Variants in NEGR1 observed in about 807,000 individuals in gnomAD.
NEGR1 encodes the protein IgLON family member 4.
NEGR1 carries 10 observed loss-of-function variants against 40.9 expected under a neutral mutation model. That is an observed-to-expected ratio of 0.24 (90% confidence interval 0.15 to 0.42). The LOEUF is 0.42. Among genes scored for constraint, NEGR1 ranks in the 10% least tolerant of loss-of-function variants. The pLI is 1.00. For synonymous variants in NEGR1, 185 were observed against 166.8 expected, an observed-to-expected ratio of 1.11 and a Z score of -0.84; for missense variants, 352 against 438.9, an observed-to-expected ratio of 0.80 and a Z score of 1.77.
chr1:72,221,756 C>T (rs967542177), intron 1 of NEGR1, among the ~76,000 whole-genome samples: 4 of 151,994 alleles, frequency 2.6e-5, no homozygotes, highest in Non-Finnish European at 4.4e-5. Flanking sequence ...AGTCCTTTTC[C>T]ATCACGTCTA....
chr1:71,448,446 A>C (rs1006858381), intron 6 of NEGR1, among the ~76,000 whole-genome samples: 1 of 152,138 alleles, frequency 6.6e-6, no homozygotes, highest in African/African-American at 2.4e-5. Context: ...TAAAAATACA[A>C]AAATTAGCCG....
rs146637635 is a variant in NEGR1 at position 71,643,312 on chromosome 1, C to T, written c.668-32166G>A. Reference sequence around the variant, plus strand: ...GGGCAGGAGAGACCTTATGTATCAGCCAACATCTTCTCAGTGATGGCGATG... The same window carrying T: ...GGGCAGGAGAGACCTTATGTATCAGTCAACATCTTCTCAGTGATGGCGATG... On this transcript the variant is annotated intron_variant, in intron 4 of 6. Transcript: ENST00000357731. Among the ~76,000 whole-genome samples the T allele has an allele frequency of 5.6e-3, 851 of 152,058 alleles. 9 individuals carry two copies. Among genetic ancestry groups the T allele is most frequent in the African/African-American group, 0.02 (822 of 41,494 alleles).
At chr1:71,756,694 T>C (rs1570304664) in intron 3 of NEGR1, among the ~76,000 whole-genome samples, 1 of 152,220 alleles carries the variant, frequency 6.6e-6, no homozygotes, top group East Asian at 1.9e-4. Flanking sequence ...AGCTTCTCAT[T>C]TGAGGGGTCT....
intron 6 of NEGR1, among the ~76,000 whole-genome samples, chr1:71,498,076 T>A (rs1646976846): frequency 6.6e-6 from 1 of 151,386 alleles, no homozygotes; most frequent in Admixed American, 6.6e-5. Flanking sequence ...TTTTTTTAAG[T>A]CTGAGCCTGT....
chr1:72,210,250 G>A (rs1005755972), intron 1 of NEGR1, among the ~76,000 whole-genome samples: 1 of 151,778 alleles, frequency 6.6e-6, no homozygotes. Context: ...TGGATAAAAC[G>A]TCAGGAATTT....
At chr1:71,831,437 A>G (rs537741683) in intron 2 of NEGR1, among the ~76,000 whole-genome samples, 1 of 152,106 alleles carries the variant, frequency 6.6e-6, no homozygotes, top group African/African-American at 2.4e-5. Flanking sequence ...ATGTATTGTT[A>G]AACTTCTATT....
intron 6 of NEGR1, among the ~76,000 whole-genome samples, chr1:71,568,183 T>C (rs1648683900): frequency 6.6e-6 from 1 of 152,222 alleles, no homozygotes; most frequent in Admixed American, 6.5e-5. Flanking sequence ...TTAGCTGTTT[T>C]AGTAAGGTCA....
chr1:71,678,883 G>A (rs892896956), intron 4 of NEGR1, among the ~76,000 whole-genome samples: 14 of 152,228 alleles, frequency 9.2e-5, no homozygotes, highest in Non-Finnish European at 2.1e-4. Flanking sequence ...GAGTTTCAAA[G>A]GCAGCCGAGC....
Position 71,464,528 on chromosome 1 carries a change from A to G in NEGR1, c.941-56958T>C, listed in dbSNP as rs1646733467. On this transcript the variant is annotated intron_variant, in intron 6 of 6. Transcript: ENST00000357731. The stretch of plus-strand genomic sequence containing the variant: ...TTAATTTTGCCAAAAAAGCTAAAGT[A>G]ATAATTTAAAAATACCTGTTAAAAA... Among the ~76,000 whole-genome samples the G allele has an allele frequency of 2.6e-5, 4 of 152,286 alleles. No individual in the cohort carries two copies. In the South Asian group the frequency reaches 8.3e-4, roughly 32 times the overall value.
At chr1:71,451,714 G>T (rs1333302747) in intron 6 of NEGR1, among the ~76,000 whole-genome samples, 3 of 152,128 alleles carry the variant, frequency 2.0e-5, no homozygotes, top group Non-Finnish European at 4.4e-5. Context: ...TCTTTTCCTT[G>T]AGGAGACTGT....
At chr1:71,895,273 A>T (rs1660938087) in intron 2 of NEGR1, among the ~76,000 whole-genome samples, 1 of 152,116 alleles carries the variant, frequency 6.6e-6, no homozygotes, top group African/African-American at 2.4e-5. Context: ...ATCTCATTTC[A>T]TTCTCATAAC....
chr1:71,888,568 GC>G (rs1171117360), intron 2 of NEGR1, among the ~76,000 whole-genome samples: 1 of 149,674 alleles, frequency 6.7e-6, no homozygotes, highest in Non-Finnish European at 1.5e-5. Flanking sequence ...AGGGTCCTAC[GC>G]CCACGGAATC....
chr1:71,810,984 A>G (rs1304539533), intron 2 of NEGR1, among the ~76,000 whole-genome samples: 2 of 152,118 alleles, frequency 1.3e-5, no homozygotes, highest in Admixed American at 6.6e-5. Context: ...ATATTTCTCA[A>G]ATTTGCTTTT....
At chr1:71,875,899 G>C (rs1369317557) in intron 2 of NEGR1, among the ~76,000 whole-genome samples, 1 of 152,126 alleles carries the variant, frequency 6.6e-6, no homozygotes, top group East Asian at 1.9e-4. Flanking sequence ...GATGAAGATA[G>C]ACCATTATAT....
At position 71,869,058 on chromosome 1, in the gene NEGR1, A is replaced by G. The variant is rs150292856; in HGVS notation, c.409+66021T>C. ...AAACATGCTCTGTGTTTCCTACACTACACCAAAAACTATAATTTGTTCATC... is the reference window on the plus strand; with the variant it reads ...AAACATGCTCTGTGTTTCCTACACTGCACCAAAAACTATAATTTGTTCATC... On this transcript the variant is annotated intron_variant, in intron 2 of 6. Transcript: ENST00000357731. Among the ~76,000 whole-genome samples the G allele has an allele frequency of 2.3e-3, 357 of 152,314 alleles. 1 individual carries two copies. The highest frequency in any genetic ancestry group is 8.0e-3 in the African/African-American group (334 of 41,578).
chr1:71,651,747 T>C (rs1557600524), intron 4 of NEGR1, among the ~76,000 whole-genome samples: 1 of 152,086 alleles, frequency 6.6e-6, no homozygotes, highest in East Asian at 1.9e-4. Flanking sequence ...ATATTAATAA[T>C]AACAACAACA....
chr1:71,826,342 T>G (rs913207444), intron 2 of NEGR1, among the ~76,000 whole-genome samples: 1 of 151,932 alleles, frequency 6.6e-6, no homozygotes, highest in African/African-American at 2.4e-5. Context: ...AGTTTACTTT[T>G]CTTACCACAA....
At chr1:71,453,358 G>A (rs1458754482) in intron 6 of NEGR1, among the ~76,000 whole-genome samples, 3 of 152,066 alleles carry the variant, frequency 2.0e-5, no homozygotes, top group African/African-American at 7.2e-5. Context: ...GGCTTGCAGG[G>A]ACAGGGTTGC....
intron 1 of NEGR1, among the ~76,000 whole-genome samples, chr1:72,194,262 G>A (rs966399420): frequency 6.6e-6 from 1 of 151,820 alleles, no homozygotes; most frequent in Admixed American, 6.6e-5. Context: ...AAAGGGAAAA[G>A]GGAGCTAATA....
Sources: allele counts gnomAD v4.1 joint callset (sites outside exome capture counted in the v4.1 genomes callset), GRCh38; gene constraint gnomAD v4.1.1; transcripts MANE v1.5; gene names NCBI Gene and HGNC (gene_info 2026-07-23, HGNC 2026-07-21).